Variants in SKAP1 observed in about 807,000 individuals in gnomAD.
SKAP1 encodes the protein src kinase-associated phosphoprotein 1.
Under a neutral mutation model 58.5 loss-of-function variants are expected in SKAP1, and 44 were observed. That is an observed-to-expected ratio of 0.75 (90% CI 0.59 to 0.97). The LOEUF (loss-of-function observed/expected upper bound fraction) is 0.97, where lower values mean the gene tolerates loss of function less well. Ranked by LOEUF, SKAP1 falls within the 50% of genes least tolerant of loss-of-function variation. SKAP1 has a pLI of 0.00. For missense variants in SKAP1, 390 were observed against 435.2 expected (o/e 0.90, Z 0.92); for synonymous variants, 127 against 149.7 (o/e 0.85, Z 1.11).
chr17:48,437,465 G>A, the SKAP1 span, among the ~76,000 whole-genome samples: 2 of 152,234 alleles, frequency 1.3e-5, no homozygotes, highest in African/African-American at 2.4e-5. Flanking sequence ...CAGTTAGGCC[G>A]GGTGTGGTGA....
At chr17:48,353,168 C>A (rs1224867804) in intron 3 of SKAP1, among the ~76,000 whole-genome samples, 2 of 152,078 alleles carry the variant, frequency 1.3e-5, no homozygotes, top group Non-Finnish European at 1.5e-5. Context: ...TTCAAAATAT[C>A]ACTTTTTGGT....
Position 48,421,719 on chromosome 17 carries a change from G to A in SKAP1, c.46+8356C>T, listed in dbSNP as rs138288757. Among the ~76,000 whole-genome samples the A allele has an allele frequency of 2.6e-5, 4 of 152,220 alleles. No individual in the cohort carries two copies. The East Asian group carries it at 7.7e-4, about 29-fold the overall frequency. On this transcript the variant is annotated intron_variant, in intron 1 of 12. Transcript: ENST00000336915. ...GTGCCATCTCAGAGAATCCTTTTGT[G>A]ACAAAACAAAATTTCAACTGAAACA... is the stretch of plus-strand genomic sequence containing the variant.
chr17:48,386,154 G>A (rs1199105310), intron 2 of SKAP1, among the ~76,000 whole-genome samples: 1 of 152,100 alleles, frequency 6.6e-6, no homozygotes, highest in Non-Finnish European at 1.5e-5. Context: ...AATATGTAGG[G>A]TTGGCTACTA....
At chr17:48,400,057 A>G (rs192178563) in intron 1 of SKAP1, among the ~76,000 whole-genome samples, 10 of 152,108 alleles carry the variant, frequency 6.6e-5, no homozygotes, top group Admixed American at 5.2e-4. Context: ...TTTGCAGGAT[A>G]TAAGATCAAT....
chr17:48,324,051 A>G (rs1439884381), intron 4 of SKAP1, among the ~76,000 whole-genome samples: 1 of 152,128 alleles, frequency 6.6e-6, no homozygotes, highest in Non-Finnish European at 1.5e-5. Flanking sequence ...TTGAAAAAAC[A>G]AAAACAACCA....
At chr17:48,390,719 G>A (rs1382531806) in intron 2 of SKAP1, among the ~76,000 whole-genome samples, 1 of 152,136 alleles carries the variant, frequency 6.6e-6, no homozygotes, top group East Asian at 1.9e-4. Context: ...CTTGATTGAG[G>A]AGCTCAGTAC....
chr17:48,291,968 T>G (rs2065902972), intron 4 of SKAP1, among the ~76,000 whole-genome samples: 1 of 152,152 alleles, frequency 6.6e-6, no homozygotes, highest in Non-Finnish European at 1.5e-5. Flanking sequence ...TTGTTAGCTT[T>G]GGAGATCCAC....
At chr17:48,376,665 C>T (rs1336244455) in intron 2 of SKAP1, among the ~76,000 whole-genome samples, 1 of 152,172 alleles carries the variant, frequency 6.6e-6, no homozygotes, top group Non-Finnish European at 1.5e-5. Context: ...GTTACGAATA[C>T]TGCATTTGTT....
intron 4 of SKAP1, among the ~76,000 whole-genome samples, chr17:48,199,402 A>ACATG (rs1250963291): frequency 2.6e-5 from 4 of 152,212 alleles, no homozygotes; most frequent in African/African-American, 9.6e-5. Flanking sequence ...GTCCTGTGGA[A>ACATG]CATGCCATGC....
Position 48,184,790 on chromosome 17 carries a change from T to TG in SKAP1, c.499dup (p.His167ProfsTer13), listed in dbSNP as rs1413897489. 1 of 1,613,872 alleles carries TG rather than the reference T, an allele frequency of 6.2e-7. No homozygotes were observed. The highest frequency in any genetic ancestry group is 8.5e-7 in the Non-Finnish European group (1 of 1,179,818). Reference sequence around the variant, plus strand: ...TTCTTTCTTGGAATCTCTTCGCAGGTGGGGGGCCATCCGTACACCGTAGCC... The same window carrying TG: ...TTCTTTCTTGGAATCTCTTCGCAGGTGGGGGGGCCATCCGTACACCGTAGCC... On this transcript the variant is annotated frameshift_variant, in exon 7 of 13. Coordinates refer to ENST00000336915, the MANE Select transcript of SKAP1 (RefSeq NM_003726.4). LOFTEE classifies it high-confidence loss of function.
chr17:48,188,576 C>A (rs1027996637), intron 5 of SKAP1, among the ~76,000 whole-genome samples: 3 of 152,034 alleles, frequency 2.0e-5, no homozygotes, highest in African/African-American at 7.2e-5. Flanking sequence ...TGTCTCAGCT[C>A]TTTGACAGGC....
chr17:48,295,925 A>G (rs1210620042), intron 4 of SKAP1, among the ~76,000 whole-genome samples: 1 of 152,110 alleles, frequency 6.6e-6, no homozygotes, highest in African/African-American at 2.4e-5. Context: ...CATATAATAT[A>G]TGCAAAACAT....
intron 4 of SKAP1, among the ~76,000 whole-genome samples, chr17:48,309,292 AG>A (rs1266226352): frequency 6.6e-6 from 1 of 151,470 alleles, no homozygotes; most frequent in Non-Finnish European, 1.5e-5. Context: ...TTAAAAAAAA[AG>A]TCTTTAGGAG....
At chr17:48,417,923 A>T (rs2067751717) in intron 1 of SKAP1, among the ~76,000 whole-genome samples, 1 of 152,164 alleles carries the variant, frequency 6.6e-6, no homozygotes, top group South Asian at 2.1e-4. Flanking sequence ...ATATATATAC[A>T]CATAGATAGA....
intron 1 of SKAP1, among the ~76,000 whole-genome samples, chr17:48,412,671 A>G: frequency 6.6e-6 from 1 of 152,142 alleles, no homozygotes; most frequent in East Asian, 1.9e-4. Flanking sequence ...TACTAAATTC[A>G]TTTTCCTCCA....
At chr17:48,171,680 A>G (rs575791338) in intron 9 of SKAP1, among the ~76,000 whole-genome samples, 16 of 151,948 alleles carry the variant, frequency 1.1e-4, no homozygotes, top group Admixed American at 8.5e-4. Context: ...CAAAATTATT[A>G]TCTCTATGCA....
chr17:48,176,806 AC>A (rs1375915125), intron 9 of SKAP1, among the ~76,000 whole-genome samples: 1 of 152,214 alleles, frequency 6.6e-6, no homozygotes, highest in East Asian at 1.9e-4. Flanking sequence ...TTACAAAAAA[AC>A]ATTTTTTATT....
chr17:48,289,314 T>C (rs1423452600), intron 4 of SKAP1, among the ~76,000 whole-genome samples: 1 of 152,160 alleles, frequency 6.6e-6, no homozygotes, highest in Non-Finnish European at 1.5e-5. Context: ...TTTGGTATAT[T>C]TGGCATGTCA....
chr17:48,405,450 T>TTTCTTTCTTTCTTTCC lies in SKAP1; in HGVS notation c.47-8666_47-8665insGGAAAGAAAGAAAGAA, dbSNP rs1441641292. Among the ~76,000 whole-genome samples, 13 of 94,054 alleles carry TTTCTTTCTTTCTTTCC rather than the reference T, an allele frequency of 1.4e-4. 1 individual carries two copies. The highest frequency in any genetic ancestry group is 4.3e-4 in the African/African-American group (11 of 25,578). 61.7% of individuals were successfully genotyped at this position (94,054 alleles called of 152,430 possible). A position where few individuals can be genotyped will look rare whatever the true frequency, so the allele number is the denominator to read the frequency against. On this transcript the variant is annotated intron_variant, in intron 1 of 12. Transcript: ENST00000336915. ...CTTTCTTTCTTTCTTTCTTTCTTTC[T>TTTCTTTCTTTCTTTCC]TTTCTTTCTTTCTTTCCTTCCTTCC...
Sources: gnomAD v4.1 joint callset for allele counts (sites outside exome capture counted in the v4.1 genomes callset) on GRCh38, gnomAD v4.1.1 for gene constraint, MANE v1.5 for transcripts, NCBI Gene and HGNC (gene_info 2026-07-23, HGNC 2026-07-21) for gene names.